Variants in NRG1 observed in about 807,000 individuals in gnomAD.
The protein encoded by NRG1 is neuregulin 1.
A neutral mutation model predicts 63.8 loss-of-function variants in NRG1; 18 were observed. The observed-to-expected ratio is 0.28, with a 90% CI of 0.19 to 0.42. NRG1 has a LOEUF of 0.42. Ranked by LOEUF, NRG1 falls within the 10% of genes least tolerant of loss-of-function variation. NRG1 has a pLI of 1.00. For missense variants in NRG1, 762 were observed against 814.7 expected (o/e 0.94, Z 0.79); for synonymous variants, 302 against 301.3 (o/e 1.00, Z -0.02).
At chr8:32,537,195 C>CAAAAAAAAAAAAAAAAAAAAAAAAA (rs71208193) in intron 1 of NRG1, among the ~76,000 whole-genome samples, 1 of 43,814 alleles carries the variant, frequency 2.3e-5, no homozygotes, top group African/African-American at 1.0e-4. Flanking sequence ...GACTCCATCT[C>CAAAAAAAAAAAAAAAAAAAAAAAAA]AAAAAAAAAA....
intron 1 of NRG1, among the ~76,000 whole-genome samples, chr8:32,339,501 G>A (rs1452222214): frequency 6.6e-6 from 1 of 152,200 alleles, no homozygotes; most frequent in African/African-American, 2.4e-5. Flanking sequence ...CAAACATCCA[G>A]AAAGTTGTGT....
intron 1 of NRG1, among the ~76,000 whole-genome samples, chr8:31,772,690 A>G (rs1407942583): frequency 6.6e-6 from 1 of 152,130 alleles, no homozygotes; most frequent in Non-Finnish European, 1.5e-5. Context: ...GATCATGAAA[A>G]TATTTTCTGC....
intron 1 of NRG1, among the ~76,000 whole-genome samples, chr8:32,569,678 A>G (rs1838137297): frequency 6.6e-6 from 1 of 152,018 alleles, no homozygotes; most frequent in African/African-American, 2.4e-5. Context: ...TTCTTTCATA[A>G]TTTATCAGAA....
At chr8:32,366,677 G>GTGTGTGTGTGTGTGTATATA (rs1164696498) in intron 1 of NRG1, among the ~76,000 whole-genome samples, 1 of 87,522 alleles carries the variant, frequency 1.1e-5, no homozygotes, top group African/African-American at 4.6e-5. Context: ...GTGTGTGTGT[G>GTGTGTGTGTGTGTGTATATA]TATATATATA....
At position 32,113,740 on chromosome 8, in the gene NRG1, C is replaced by T. The variant is rs567088643; in HGVS notation, c.37+474309C>T. Among the ~76,000 whole-genome samples, 34 of 152,180 alleles carry T rather than the reference C, an allele frequency of 2.2e-4. No individual in the cohort carries two copies. In the East Asian group the frequency reaches 3.3e-3, roughly 15 times the overall value. On this transcript the variant is annotated intron_variant, in intron 1 of 10. Transcript: ENST00000519301. ...TACAATCAGTTTGATGGGTCAAGACCGGTAGTTTAGAACACAAAATAACTT... is the reference window on the plus strand; with the variant it reads ...TACAATCAGTTTGATGGGTCAAGACTGGTAGTTTAGAACACAAAATAACTT...
chr8:31,854,466 A>G (rs1470724080), intron 1 of NRG1, among the ~76,000 whole-genome samples: 1 of 151,434 alleles, frequency 6.6e-6, no homozygotes, highest in African/African-American at 2.4e-5. Context: ...TATCCCCTTT[A>G]TCATTTTTTA....
At chr8:32,029,520 A>G (rs2130441768) in intron 1 of NRG1, 1 of 152,354 alleles carries the variant, frequency 6.6e-6, no homozygotes. Flanking sequence ...GTTACAGCTC[A>G]GCCTTTGCCT....
intron 1 of NRG1, among the ~76,000 whole-genome samples, chr8:31,771,070 T>C (rs1299905063): frequency 6.6e-6 from 1 of 152,158 alleles, no homozygotes; most frequent in Non-Finnish European, 1.5e-5. Context: ...CATGTATAGA[T>C]TTGTGTAACC....
At chr8:32,749,336 T>A in intron 7 of NRG1, 1 of 601,524 alleles carries the variant, frequency 1.7e-6, no homozygotes, top group East Asian at 2.8e-5. Context: ...AAAGACACAG[T>A]GTGCTGGTAT....
At chr8:31,653,415 A>G (rs1051344450) in intron 1 of NRG1, among the ~76,000 whole-genome samples, 1 of 152,214 alleles carries the variant, frequency 6.6e-6, no homozygotes, top group Admixed American at 6.5e-5. Context: ...GTGAATGAAC[A>G]GAACACAAGA....
At chr8:32,130,786 C>A (rs971106266) in intron 1 of NRG1, among the ~76,000 whole-genome samples, 1 of 151,988 alleles carries the variant, frequency 6.6e-6, no homozygotes, top group Non-Finnish European at 1.5e-5. Flanking sequence ...AGCCTTATCC[C>A]TTCCCTAATT....
intron 1 of NRG1, among the ~76,000 whole-genome samples, chr8:32,111,892 C>T (rs570715594): frequency 2.0e-5 from 3 of 152,158 alleles, no homozygotes; most frequent in East Asian, 1.9e-4. Flanking sequence ...AATTGATCTT[C>T]GAGGTCAGTT....
At chr8:32,247,005 G>T (rs1466397042) in intron 1 of NRG1, among the ~76,000 whole-genome samples, 7 of 151,916 alleles carry the variant, frequency 4.6e-5, no homozygotes, top group African/African-American at 1.4e-4. Flanking sequence ...AAGTGATGTC[G>T]TTAACTGGCT....
At chr8:31,645,869 A>G (rs914922044) in intron 1 of NRG1, among the ~76,000 whole-genome samples, 1 of 152,194 alleles carries the variant, frequency 6.6e-6, no homozygotes, top group African/African-American at 2.4e-5. Flanking sequence ...ACTACTTTCT[A>G]ACTCAGACTT....
chr8:32,556,725 T>G (rs2129525934), intron 1 of NRG1, among the ~76,000 whole-genome samples: 1 of 152,334 alleles, frequency 6.6e-6, no homozygotes, highest in East Asian at 1.9e-4. Context: ...TAAATAAAGT[T>G]CAAATTTCGA....
intron 5 of NRG1, among the ~76,000 whole-genome samples, chr8:32,621,931 G>A (rs1446991969): frequency 1.3e-5 from 2 of 152,226 alleles, no homozygotes; most frequent in Non-Finnish European, 2.9e-5. Context: ...TTCTGTGAGT[G>A]GATTGAAAGG....
chr8:31,925,577 C>A (rs1834293906), intron 1 of NRG1, among the ~76,000 whole-genome samples: 1 of 152,048 alleles, frequency 6.6e-6, no homozygotes, highest in African/African-American at 2.4e-5. Context: ...CTTTATCTCT[C>A]CATAGCTTTT....
intron 1 of NRG1, among the ~76,000 whole-genome samples, chr8:32,466,475 G>T (rs952780455): frequency 8.6e-5 from 13 of 151,758 alleles, no homozygotes; most frequent in African/African-American, 3.1e-4. Context: ...TGCTTGTTAT[G>T]TGACAAAAAG....
At chr8:32,206,029 G>T (rs1844027510) in intron 1 of NRG1, among the ~76,000 whole-genome samples, 1 of 151,896 alleles carries the variant, frequency 6.6e-6, no homozygotes, top group East Asian at 1.9e-4. Context: ...ATCCCTTGAG[G>T]CCAGTTCAAG....
Sources: gnomAD v4.1 joint callset for allele counts (sites outside exome capture counted in the v4.1 genomes callset) on GRCh38, gnomAD v4.1.1 for gene constraint, MANE v1.5 for transcripts, NCBI Gene and HGNC (gene_info 2026-07-23, HGNC 2026-07-21) for gene names.